Variants in RHOQ observed in about 807,000 individuals in gnomAD.
The protein encoded by RHOQ is ras homolog family member Q.
A neutral mutation model predicts 25.8 loss-of-function variants in RHOQ; 7 were observed. The ratio of observed to expected loss-of-function variants is 0.27; its 90% CI spans 0.15 to 0.51. The LOEUF is 0.51. Among genes scored for constraint, RHOQ ranks in the 20% least tolerant of loss-of-function variants. The probability of loss-of-function intolerance (pLI) is 0.97; values close to 1 mark genes in which losing one functional copy is unlikely to be tolerated. For synonymous variants in RHOQ, 97 were observed against 98.6 expected, an observed-to-expected ratio of 0.98 and a Z score of 0.10; for missense variants, 165 against 260.6, an observed-to-expected ratio of 0.63 and a Z score of 2.53.
intron 2 of RHOQ, among the ~76,000 whole-genome samples, chr2:46,565,929 A>T (rs544331944): frequency 4.1e-4 from 63 of 152,366 alleles, no homozygotes; most frequent in African/African-American, 1.5e-3. Context: ...GAGCATGGCA[A>T]TGCTTAAGCT....
chr2:46,572,120 T>TG (rs1409722111), intron 2 of RHOQ, among the ~76,000 whole-genome samples: 2 of 138,106 alleles, frequency 1.4e-5, no homozygotes, highest in Admixed American at 7.0e-5. Context: ...TTTTTTTTTT[T>TG]TTTTTTTTTT....
At chr2:46,553,820 G>A (rs1668325616) in intron 2 of RHOQ, among the ~76,000 whole-genome samples, 2 of 151,928 alleles carry the variant, frequency 1.3e-5, no homozygotes, top group Admixed American at 1.3e-4. Context: ...CTTGTGATCC[G>A]CCCACTTCAG....
At chr2:46,559,893 A>AG (rs765283172) in intron 2 of RHOQ, among the ~76,000 whole-genome samples, 2 of 152,230 alleles carry the variant, frequency 1.3e-5, no homozygotes, top group South Asian at 2.1e-4. Flanking sequence ...AGAGTGTTGG[A>AG]GGGGGGTCTC....
rs111704558 is a variant in RHOQ, at chr2:46,552,642, A to C, written c.201+8830A>C. On this transcript the variant is annotated intron_variant, in intron 2 of 4. Transcript: ENST00000238738. This position sits in a 1 kb window ranked among gnomAD's most constrained non-coding sequence, Gnocchi z 5.0. Reference sequence around the variant, plus strand: ...TGCCACCACCTCTGCATGGGCTCCCAAATCCTGCCTGGCTGCTTCCTGTGG... The same window carrying C: ...TGCCACCACCTCTGCATGGGCTCCCCAATCCTGCCTGGCTGCTTCCTGTGG... Among the ~76,000 whole-genome samples, 119 of 152,362 alleles carry C rather than the reference A, an allele frequency of 7.8e-4. No homozygotes were observed. The highest frequency in any genetic ancestry group is 6.8e-3 in the Middle Eastern group (2 of 294).
chr2:46,543,323 C>A, intron 1 of RHOQ, 135 bp downstream of exon 1: 1 of 936,664 alleles, frequency 1.1e-6, no homozygotes, highest in Non-Finnish European at 1.6e-6. Context: ...GCCAGGCGGC[C>A]GGCCCCACCC....
chr2:46,556,132 G>C lies in RHOQ; in HGVS notation c.201+12320G>C, dbSNP rs1668404286. ...TGTTTCTATGGATTTACCTATTCTG[G>C]ACATTTCATATTAATGGAATCCTGC... On this transcript the variant is annotated intron_variant, in intron 2 of 4. Transcript: ENST00000238738. The surrounding 1 kb of genome is among the most constrained non-coding windows in gnomAD (Gnocchi z 4.9). Among the ~76,000 whole-genome samples the C allele has an allele frequency of 6.6e-6, 1 of 151,940 alleles. No homozygotes were observed. Among genetic ancestry groups the C allele is most frequent in the Non-Finnish European group, 1.5e-5 (1 of 67,988 alleles).
At chr2:46,543,931 C>T (rs1407036539) in intron 2 of RHOQ, 119 bp downstream of exon 2, 1 of 763,992 alleles carries the variant, frequency 1.3e-6, no homozygotes, top group South Asian at 1.6e-5. Flanking sequence ...CGGGCTTCCC[C>T]TGGATTAGGT....
intron 1 of RHOQ, 53 bp from the exon 2 acceptor site, chr2:46,543,701 A>G (rs1346644985): frequency 1.3e-6 from 2 of 1,557,022 alleles, no homozygotes; most frequent in Admixed American, 1.7e-5. Flanking sequence ...AAATTGCCCC[A>G]GAGCCCAGGT....
At chr2:46,546,066 G>C (rs527408425) in intron 2 of RHOQ, among the ~76,000 whole-genome samples, 137 of 152,206 alleles carry the variant, frequency 9.0e-4, no homozygotes, top group African/African-American at 3.2e-3. Flanking sequence ...TTGCATCAAA[G>C]CTAGTAATAT....
rs1667974633 is a variant in RHOQ at position 46,544,310 on chromosome 2, TGAAAAC to T, written c.201+500_201+505del. 5.3e-5 allele frequency among the ~76,000 whole-genome samples: 8 copies of T among 152,264 alleles called. No individual in the cohort carries two copies. The South Asian group carries it at 1.7e-3, about 32-fold the overall frequency. On this transcript the variant is annotated intron_variant, in intron 2 of 4. Coordinates refer to ENST00000238738, the MANE Select transcript of RHOQ (RefSeq NM_012249.4). Reference sequence around the variant, plus strand: ...CATTGCACTCTGGGACTCCAGTCCCTGAAAACGTAATTTGTGGTGTTACCAAAGGAC... The same window carrying T: ...CATTGCACTCTGGGACTCCAGTCCCTGTAATTTGTGGTGTTACCAAAGGAC...
At chr2:46,558,222 C>G (rs1001234394) in intron 2 of RHOQ, among the ~76,000 whole-genome samples, 1 of 152,156 alleles carries the variant, frequency 6.6e-6, no homozygotes, top group Admixed American at 6.5e-5. Flanking sequence ...GATTTCCCTT[C>G]AGGTTTATTA....
intron 2 of RHOQ, among the ~76,000 whole-genome samples, chr2:46,549,784 C>A (rs755135185): frequency 5.9e-5 from 9 of 152,150 alleles, no homozygotes; most frequent in Non-Finnish European, 1.0e-4. Flanking sequence ...CCCCCGGCTC[C>A]CTGGGTAGAA....
rs1669443695 is a variant in RHOQ, at chr2:46,582,820, T to G, written c.*1737T>G. On this transcript the variant is annotated 3_prime_UTR_variant, in exon 5 of 5. Coordinates refer to ENST00000238738, the MANE Select transcript of RHOQ (RefSeq NM_012249.4). ...AGCTTTGTAGAGATTTTTAAAAATATAAGCATCACCTTCCCATTGAAGAGT... is the reference window on the plus strand; with the variant it reads ...AGCTTTGTAGAGATTTTTAAAAATAGAAGCATCACCTTCCCATTGAAGAGT... 6.6e-6 allele frequency: 1 copy of G among 152,618 alleles called. No homozygotes were observed. Among genetic ancestry groups the G allele is most frequent in the Admixed American group, 6.5e-5 (1 of 15,280 alleles). The allele number at this position is 152,618 out of a possible 1,614,324, so 9.5% of individuals were successfully genotyped here.
intron 2 of RHOQ, among the ~76,000 whole-genome samples, chr2:46,562,325 A>T (rs1023095874): frequency 1.3e-5 from 2 of 151,848 alleles, no homozygotes; most frequent in African/African-American, 4.8e-5. Context: ...CCCGTTGCTG[A>T]CTCTAAGGCT....
chr2:46,575,778 A>T (rs1669100706), intron 2 of RHOQ, among the ~76,000 whole-genome samples: 1 of 152,334 alleles, frequency 6.6e-6, no homozygotes, highest in South Asian at 2.1e-4. Context: ...GTCTAGCTAT[A>T]TTCAATTCTT....
intron 2 of RHOQ, among the ~76,000 whole-genome samples, chr2:46,550,111 T>C (rs1232591587): frequency 6.6e-6 from 1 of 151,952 alleles, no homozygotes; most frequent in Non-Finnish European, 1.5e-5. Context: ...CATGCCTCTG[T>C]AGTCCCAGCT....
chr2:46,549,329 G>GC (rs971642280), intron 2 of RHOQ, among the ~76,000 whole-genome samples: 144 of 152,316 alleles, frequency 9.5e-4, no homozygotes, highest in Non-Finnish European at 1.7e-3. Context: ...ATTGCTTTAA[G>GC]CCCCTCGGGG....
chr2:46,582,813 A>T lies in RHOQ; in HGVS notation c.*1730A>T, dbSNP rs1237639953. On this transcript the variant is annotated 3_prime_UTR_variant, in exon 5 of 5. Transcript: ENST00000238738. ...GTATGTGAGCTTTGTAGAGATTTTT[A>T]AAAATATAAGCATCACCTTCCCATT... The T allele has an allele frequency of 1.3e-5, 2 of 152,576 alleles. No individual in the cohort carries two copies. Among genetic ancestry groups the T allele is most frequent in the East Asian group, 3.9e-4 (2 of 5,194 alleles). The allele number at this position is 152,576 out of a possible 1,614,324, so 9.5% of individuals were successfully genotyped here.
chr2:46,543,333 C>T, intron 1 of RHOQ, 145 bp downstream of exon 1: 1 of 844,530 alleles, frequency 1.2e-6, no homozygotes, highest in Non-Finnish European at 1.9e-6. Context: ...CGGCCCCACC[C>T]CCGAAGCTTC....
Sources: gnomAD v4.1 joint callset for allele counts (sites outside exome capture counted in the v4.1 genomes callset) on GRCh38, gnomAD v4.1.1 for gene constraint, Gnocchi (gnomAD v3.1) non-coding constraint, MANE v1.5 for transcripts, NCBI Gene and HGNC (gene_info 2026-07-23, HGNC 2026-07-21) for gene names.